Variants in RARS2 observed in about 807,000 individuals in gnomAD.
RARS2 encodes the protein arginyl-tRNA synthetase 2, mitochondrial, also known as probable arginine--tRNA ligase, mitochondrial.
RARS2 carries 67 observed loss-of-function variants against 88.5 expected under a neutral mutation model. The observed-to-expected ratio is 0.76, with a 90% CI of 0.62 to 0.93. RARS2 has a LOEUF of 0.93. Among genes scored for constraint, RARS2 ranks in the 40% least tolerant of loss-of-function variants. RARS2 has a pLI of 0.00. For missense variants in RARS2, 664 were observed against 684.2 expected, an observed-to-expected ratio of 0.97 and a Z score of 0.33; for synonymous variants, 239 against 230.3, an observed-to-expected ratio of 1.04 and a Z score of -0.34.
chr6:87,572,393 G>A (rs368904191), intron 1 of RARS2, among the ~76,000 whole-genome samples: 3 of 151,624 alleles, frequency 2.0e-5, no homozygotes, highest in Admixed American at 6.6e-5. Context: ...ATAACAATTC[G>A]GCTGAAAAAA....
At position 87,519,208 on chromosome 6, in the gene RARS2, G is replaced by A. The variant is rs572663405; in HGVS notation, c.1238-317C>T. On this transcript the variant is annotated intron_variant, in intron 14 of 19. Transcript: ENST00000369536. ...TATGTGTGTGTGTGTGTGTGTGTGT[G>A]TATATATATATATCTATATATATCT... 671 of 257,580 alleles carry A rather than the reference G, an allele frequency of 2.6e-3. 4 individuals are homozygous for A. Among genetic ancestry groups the A allele is most frequent in the Non-Finnish European group, 3.7e-3 (501 of 133,810 alleles). The allele number at this position is 257,580 out of a possible 1,614,324, so 16.0% of individuals were successfully genotyped here.
intron 1 of RARS2, among the ~76,000 whole-genome samples, chr6:87,573,058 T>C (rs1562245211): frequency 1.3e-5 from 2 of 152,154 alleles, no homozygotes; most frequent in Non-Finnish European, 1.5e-5. Context: ...AAAAGATACA[T>C]GTATAATTAG....
At chr6:87,563,433 T>C (rs1788484368) in intron 3 of RARS2, among the ~76,000 whole-genome samples, 1 of 152,234 alleles carries the variant, frequency 6.6e-6, no homozygotes, top group Admixed American at 6.5e-5. Flanking sequence ...AATAAATATT[T>C]ACTAAGCTAC....
Position 87,521,532 on chromosome 6 carries a change from A to C in RARS2, c.975-8T>G, listed in dbSNP as rs1773842264. On this transcript the variant is annotated splice_region_variant and splice_polypyrimidine_tract_variant and intron_variant, in intron 11 of 19. Coordinates refer to ENST00000369536, the MANE Select transcript of RARS2 (RefSeq NM_020320.5). ...ATAGCAGCTGCAAGATCTCTGAAAC[A>C]AAGTGGCCATAAACCAAGAGTTACT... The C allele has an allele frequency of 1.2e-6, 2 of 1,611,096 alleles. No individual in the cohort carries two copies. Among genetic ancestry groups the C allele is most frequent in the Non-Finnish European group, 1.7e-6 (2 of 1,177,580 alleles).
Position 87,541,925 on chromosome 6 carries a change from A to C in RARS2, c.605T>G (p.Leu202Arg). 1 of 1,612,400 alleles carries C rather than the reference A, an allele frequency of 6.2e-7. No homozygotes were observed. Among genetic ancestry groups the C allele is most frequent in the Non-Finnish European group, 8.5e-7 (1 of 1,178,568 alleles). ...EKLQSNPLQHLFEVYVQVNKE... is the reference protein window; with the variant it reads ...EKLQSNPLQHRFEVYVQVNKE... Reference sequence around the variant, plus strand: ...GTTTTCTTGCCAACTTACTTCAAAGAGATGCTGTAGAGGATTGGACTGCAG... The same window carrying C: ...GTTTTCTTGCCAACTTACTTCAAAGCGATGCTGTAGAGGATTGGACTGCAG... Residue 202 changes from leucine to arginine, a missense_variant, in exon 8 of 20, where the codon CTC becomes CGC. Coordinates refer to ENST00000369536, the MANE Select transcript of RARS2 (RefSeq NM_020320.5).
intron 8 of RARS2, among the ~76,000 whole-genome samples, chr6:87,536,384 C>A (rs1013166997): frequency 6.6e-6 from 1 of 152,110 alleles, no homozygotes; most frequent in Non-Finnish European, 1.5e-5. Flanking sequence ...CACCTGTAAT[C>A]CCAGCATTTT....
At chr6:87,586,980 C>G (rs1775375223) in intron 1 of RARS2, among the ~76,000 whole-genome samples, 1 of 151,972 alleles carries the variant, frequency 6.6e-6, no homozygotes, top group African/African-American at 2.4e-5. Context: ...ACAATCTTGG[C>G]TCATTGCAAC....
At chr6:87,515,749 G>A (rs1013268787) in intron 18 of RARS2, 18 of 152,112 alleles carry the variant, frequency 1.2e-4, no homozygotes, top group African/African-American at 3.9e-4. Context: ...ATGTGCCGGA[G>A]AAATGATACT....
chr6:87,528,814 G>C (rs1388665503), intron 10 of RARS2, among the ~76,000 whole-genome samples: 1 of 152,162 alleles, frequency 6.6e-6, no homozygotes, highest in Admixed American at 6.5e-5. Context: ...ACAGCATTGT[G>C]AGTATAATTA....
At chr6:87,585,105 G>A (rs1375431562) in intron 1 of RARS2, among the ~76,000 whole-genome samples, 3 of 152,150 alleles carry the variant, frequency 2.0e-5, no homozygotes, top group African/African-American at 7.2e-5. Context: ...ATCCAAGATG[G>A]AGTTCCTTTA....
At chr6:87,540,288 A>G (rs1489096392) in intron 8 of RARS2, among the ~76,000 whole-genome samples, 2 of 151,434 alleles carry the variant, frequency 1.3e-5, no homozygotes, top group African/African-American at 4.9e-5. Context: ...TCTCTACTAA[A>G]AAATACAAAA....
Position 87,562,701 on chromosome 6 carries a change from C to G in RARS2, c.297+1G>C, listed in dbSNP as rs749630029. 10 of 1,597,524 alleles carry G rather than the reference C, an allele frequency of 6.3e-6. No homozygotes were observed. Among genetic ancestry groups the G allele is most frequent in the Non-Finnish European group, 7.7e-6 (9 of 1,164,994 alleles). On this transcript the variant is annotated splice_donor_variant, in intron 4 of 19. Transcript: ENST00000369536. LOFTEE classifies it high-confidence loss of function. Reference sequence around the variant, plus strand: ...ATGGCTGGATATTAACTTATTCTTACCTTTGTTAAGAGCTCTCTGTTTATT... The same window carrying G: ...ATGGCTGGATATTAACTTATTCTTAGCTTTGTTAAGAGCTCTCTGTTTATT...
chr6:87,536,136 A>T (rs1338842229), intron 8 of RARS2, among the ~76,000 whole-genome samples: 3 of 144,910 alleles, frequency 2.1e-5, no homozygotes. Flanking sequence ...CAATGAGTCA[A>T]GTTCTATTAA....
At chr6:87,564,399 C>T (rs2128174320) in intron 2 of RARS2, 167 bp from the exon 3 acceptor site, 4 of 617,098 alleles carry the variant, frequency 6.5e-6, no homozygotes, top group Non-Finnish European at 8.7e-6. Context: ...GTGGCTCATG[C>T]CTGTAATCCC....
chr6:87,576,677 G>A (rs1027187103), intron 1 of RARS2, among the ~76,000 whole-genome samples: 2 of 152,114 alleles, frequency 1.3e-5, no homozygotes, highest in South Asian at 2.1e-4. Flanking sequence ...TTTTATTTTC[G>A]AAGCTGGGTG....
At chr6:87,578,147 A>G (rs926118765) in intron 1 of RARS2, among the ~76,000 whole-genome samples, 26 of 150,798 alleles carry the variant, frequency 1.7e-4, no homozygotes, top group African/African-American at 6.3e-4. Flanking sequence ...TAAAAATAAT[A>G]AAAACAAAAC....
chr6:87,563,984 G>A (rs765006097), intron 3 of RARS2, 146 bp downstream of exon 3: 3 of 694,102 alleles, frequency 4.3e-6, no homozygotes, highest in East Asian at 2.7e-5. Context: ...TATAGTACAT[G>A]GCTAAAATGA....
chr6:87,533,097 G>A (rs1562109541), intron 8 of RARS2, among the ~76,000 whole-genome samples: 1 of 151,518 alleles, frequency 6.6e-6, no homozygotes, highest in East Asian at 1.9e-4. Flanking sequence ...AAAGAGTTTA[G>A]TTTCTTTTTT....
Position 87,569,497 on chromosome 6 carries a change from AC to A in RARS2, c.110+19del. The A allele has an allele frequency of 1.3e-6, 2 of 1,543,210 alleles. No homozygotes were observed. The highest frequency in any genetic ancestry group is 1.8e-6 in the Non-Finnish European group (2 of 1,115,726). On this transcript the variant is annotated intron_variant, in intron 2 of 19. Coordinates refer to ENST00000369536, the MANE Select transcript of RARS2 (RefSeq NM_020320.5). Reference sequence around the variant, plus strand: ...AGTCAGCAACATTTTATAGATTGTTACAAGTGTATTATACTTAACTCTTTTT... The same window carrying A: ...AGTCAGCAACATTTTATAGATTGTTAAAGTGTATTATACTTAACTCTTTTT...
Sources: gnomAD v4.1 joint callset for allele counts (sites outside exome capture counted in the v4.1 genomes callset) on GRCh38, gnomAD v4.1.1 for gene constraint, MANE v1.5 for transcripts, NCBI Gene and HGNC (gene_info 2026-07-23, HGNC 2026-07-21) for gene names.